The following ZNF221 variants were observed in gnomAD, a reference collection of about 807,000 sequenced individuals.
ZNF221 encodes the protein zinc finger protein 221.
In ZNF221, 10 loss-of-function variants were observed where a neutral mutation model predicts 12.6. That is an observed-to-expected ratio of 0.79 (90% CI 0.49 to 1.34). The LOEUF (loss-of-function observed/expected upper bound fraction) is 1.34. Ranked by LOEUF, ZNF221 falls within the 40% of genes most tolerant of loss-of-function variation. The pLI, the probability that ZNF221 is intolerant of heterozygous loss-of-function variation, is 0.00. For synonymous variants in ZNF221, 232 were observed against 244.0 expected (o/e 0.95, Z 0.46); for missense variants, 661 against 721.4 (o/e 0.92, Z 0.96).
In ZNF221 at chr19:43,965,951, G is replaced by A. The variant is rs759078647; in HGVS notation, c.449G>A (p.Gly150Asp). 1.2e-6 allele frequency: 2 copies of A among 1,614,196 alleles called. No individual in the cohort carries two copies. The highest frequency in any genetic ancestry group is 1.7e-6 in the Non-Finnish European group (2 of 1,180,020). ...AACAGCTCTCAGTTCTTCAAAGAAG[G>A]TGATGTCCCCTGCCAGATTGAGGCA... ...IRNSSQFFKE[G>D]DVPCQIEARL... is the part of the protein sequence containing the mutation. The change falls in exon 5 of 5, where the codon GGT becomes GAT. Residue 150 changes from glycine to aspartate, a missense_variant. Transcript: ENST00000587682.
At chr19:43,978,982 G>T in the ZNF221 span, among the ~76,000 whole-genome samples, 2 of 144,980 alleles carry the variant, frequency 1.4e-5, no homozygotes, top group South Asian at 2.2e-4. Context: ...ATAACTTCCT[G>T]GATAGATTTG....
the ZNF221 span, among the ~76,000 whole-genome samples, chr19:43,977,871 T>TAAA: frequency 7.2e-5 from 11 of 152,214 alleles, no homozygotes; most frequent in Non-Finnish European, 1.6e-4. Context: ...CACCTCTGGG[T>TAAA]TCTGTGATTT....
chr19:43,957,851 A>C (rs1465211781), intron 1 of ZNF221, among the ~76,000 whole-genome samples: 3 of 152,236 alleles, frequency 2.0e-5, no homozygotes, highest in Admixed American at 6.5e-5. Context: ...CAAACAAAAG[A>C]AAAGATGTTT....
Position 43,966,232 on chromosome 19 carries a change from CATCAGAG to C in ZNF221, c.732_738del (p.His244GlnfsTer116). The stretch of plus-strand genomic sequence containing the variant: ...TAATCAGAGCTCACATCTGCAAACT[CATCAGAG>C]AGTCCATACTGGAGAGAAACCATTC... On this transcript the variant is annotated frameshift_variant, in exon 5 of 5. Coordinates refer to ENST00000587682, the MANE Select transcript of ZNF221 (RefSeq NM_001297588.2). LOFTEE classifies it low-confidence loss of function (END_TRUNC). 1 of 1,614,216 alleles carries C rather than the reference CATCAGAG, an allele frequency of 6.2e-7. No individual in the cohort carries two copies. The highest frequency in any genetic ancestry group is 8.5e-7 in the Non-Finnish European group (1 of 1,180,034).
intron 1 of ZNF221, among the ~76,000 whole-genome samples, chr19:43,960,698 C>A (rs1435051445): frequency 6.6e-6 from 1 of 152,180 alleles, no homozygotes; most frequent in Non-Finnish European, 1.5e-5. Context: ...CTTAGAGTGC[C>A]CCAGGCGCAG....
At chr19:43,965,472 G>T in intron 4 of ZNF221, 147 bp downstream of exon 4, 2 of 658,844 alleles carry the variant, frequency 3.0e-6, no homozygotes, top group Non-Finnish European at 4.9e-6. Flanking sequence ...AGTTCCTTTG[G>T]CTTCATTATT....
intron 1 of ZNF221, chr19:43,961,965 C>T (rs935228141): frequency 6.6e-6 from 1 of 152,166 alleles, no homozygotes; most frequent in Non-Finnish European, 1.5e-5. Context: ...GATTTTTCCA[C>T]TGAAAGGTTA....
At chr19:43,968,968 A>C (rs1219327355), downstream of ZNF221, among the ~76,000 whole-genome samples, 1 of 152,208 alleles carries the variant, frequency 6.6e-6, no homozygotes, top group African/African-American at 2.4e-5. Context: ...TCTCAGGCAC[A>C]CACAGAGACC....
At chr19:43,959,543 TG>T (rs1277973387) in intron 1 of ZNF221, among the ~76,000 whole-genome samples, 2 of 152,220 alleles carry the variant, frequency 1.3e-5, no homozygotes, top group Non-Finnish European at 2.9e-5. Flanking sequence ...GCTATCCCCT[TG>T]GTGATTAGTG....
chr19:43,963,890 A>G (rs535608393), intron 2 of ZNF221, among the ~76,000 whole-genome samples: 76 of 152,364 alleles, frequency 5.0e-4, no homozygotes, highest in African/African-American at 1.8e-3. Context: ...GAATAAGGGT[A>G]CTTGTGTTCA....
Position 43,966,704 on chromosome 19 carries a change from A to G in ZNF221, c.1202A>G (p.Lys401Arg). Residue 401 changes from lysine (K) to arginine (R), a missense_variant, in exon 5 of 5, where the codon AAG becomes AGG. Transcript: ENST00000587682. ...EKPYNCKECG[K>R]TFRWSSCLLN... ...CCATATAATTGTAAAGAATGTGGGA[A>G]GACCTTCAGATGGTCCTCATGTCTT... is the stretch of plus-strand genomic sequence containing the variant. 6.2e-7 allele frequency: 1 copy of G among 1,614,266 alleles called. No individual in the cohort carries two copies. The highest frequency in any genetic ancestry group is 8.5e-7 in the Non-Finnish European group (1 of 1,180,054).
Position 43,967,266 on chromosome 19 carries a change from G to C in ZNF221, c.1764G>C (p.Lys588Asn), listed in dbSNP as rs918517379. The C allele has an allele frequency of 5.0e-6, 8 of 1,613,634 alleles. No individual in the cohort carries two copies. Among genetic ancestry groups the C allele is most frequent in the Non-Finnish European group, 6.8e-6 (8 of 1,179,920 alleles). Residue 588 changes from lysine to asparagine, a missense_variant, in exon 5 of 5, where the codon AAG (lysine) becomes AAC (asparagine). Physicochemically the swap from Lys to Asn is moderately conservative, Grantham distance 94. Transcript: ENST00000587682. ...ATCAGAGACTCCACAGTGGAGAAAA[G>C]CCATTGAAATCTGGAGTGTGGGAAG... ...LKHQRLHSGE[K>N]PLKSGVWEEI...
At chr19:43,953,568 T>G (rs1353053033) in intron 1 of ZNF221, among the ~76,000 whole-genome samples, 1 of 152,132 alleles carries the variant, frequency 6.6e-6, no homozygotes, top group Non-Finnish European at 1.5e-5. Flanking sequence ...GTCCCATGCC[T>G]TTACTCTCTA....
intron 1 of ZNF221, among the ~76,000 whole-genome samples, chr19:43,959,026 G>A (rs1974802959): frequency 6.6e-6 from 1 of 151,684 alleles, no homozygotes; most frequent in South Asian, 2.1e-4. Flanking sequence ...GTCTGCATCA[G>A]GTGTTTACCG....
rs780494261 is a variant in ZNF221 at position 43,966,604 on chromosome 19, T to C, written c.1102T>C (p.Cys368Arg). Reference protein sequence around the residue: ...MVHIEEKPYKCEQCGKGFICR... With the variant: ...MVHIEEKPYKREQCGKGFICR... ...CCACATAGAAGAGAAGCCATACAAATGTGAGCAATGTGGAAAAGGCTTCAT... is the reference window on the plus strand; with the variant it reads ...CCACATAGAAGAGAAGCCATACAAACGTGAGCAATGTGGAAAAGGCTTCAT... The change falls in exon 5 of 5, where the codon TGT becomes CGT. Residue 368 changes from cysteine (C) to arginine (R), a missense_variant. By Grantham distance (180) the Cys-to-Arg change is radical (BLOSUM62 -3). Coordinates refer to ENST00000587682, the MANE Select transcript of ZNF221 (RefSeq NM_001297588.2). 2.5e-6 allele frequency: 4 copies of C among 1,614,030 alleles called. No homozygotes were observed. Among genetic ancestry groups the C allele is most frequent in the African/African-American group, 1.3e-5 (1 of 74,990 alleles).
intron 1 of ZNF221, among the ~76,000 whole-genome samples, 154 bp from the exon 2 acceptor site, chr19:43,962,571 G>T (rs189126911): frequency 1.3e-5 from 2 of 152,066 alleles, no homozygotes. Flanking sequence ...TCATTTACCC[G>T]TAGGAGGGCA....
the ZNF221 span, among the ~76,000 whole-genome samples, chr19:43,973,361 C>T: frequency 4.0e-5 from 6 of 151,810 alleles, no homozygotes; most frequent in Non-Finnish European, 8.8e-5. Context: ...AGCCCCCCGC[C>T]CTTTCCCCAC....
the ZNF221 span, among the ~76,000 whole-genome samples, chr19:43,973,833 A>G: frequency 6.6e-6 from 1 of 152,252 alleles, no homozygotes. Context: ...AAAGTAATTT[A>G]TAGATTCAAT....
Position 43,966,011 on chromosome 19 carries a change from A to G in ZNF221, c.509A>G (p.Tyr170Cys), listed in dbSNP as rs565055876. 321 of 1,614,228 alleles carry G rather than the reference A, an allele frequency of 2.0e-4. 4 individuals carry two copies. The South Asian group carries it at 3.3e-3, about 17-fold the overall frequency. Residue 170 changes from tyrosine (Y) to cysteine (C), a missense_variant, in exon 5 of 5, where the codon TAC (tyrosine) becomes TGC (cysteine). Physicochemically the swap from Tyr to Cys is radical, Grantham distance 194 (BLOSUM62 -2). Transcript: ENST00000587682. ...ATAAGTCACGTGCAACAGAAACCTTACCGTTGTAATGAATGTAAACAGTCC... is the reference window on the plus strand; with the variant it reads ...ATAAGTCACGTGCAACAGAAACCTTGCCGTTGTAATGAATGTAAACAGTCC... The part of the protein sequence containing the change: ...LSISHVQQKP[Y>C]RCNECKQSFS...
Sources: gnomAD v4.1 joint callset for allele counts (sites outside exome capture counted in the v4.1 genomes callset) on GRCh38, gnomAD v4.1.1 for gene constraint, MANE v1.5 for transcripts, NCBI Gene and HGNC (gene_info 2026-07-23, HGNC 2026-07-21) for gene names.